Variants in HS2ST1 observed in about 807,000 individuals in gnomAD.
The protein encoded by HS2ST1 is 2-O-sulfotransferase.
HS2ST1 carries 18 observed loss-of-function variants against 42.9 expected under a neutral mutation model. That is an observed-to-expected ratio of 0.42 (90% confidence interval 0.29 to 0.62). The LOEUF is 0.62. HS2ST1 is among the 20% of genes least tolerant of loss of function. HS2ST1 has a pLI of 0.21. For missense variants in HS2ST1, 334 were observed against 433.8 expected (o/e 0.77, Z 2.04); for synonymous variants, 146 against 152.9 (o/e 0.95, Z 0.33).
At chr1:86,970,891 G>T (rs758768516) in intron 1 of HS2ST1, among the ~76,000 whole-genome samples, 26 of 152,076 alleles carry the variant, frequency 1.7e-4, no homozygotes, top group Middle Eastern at 3.4e-3. Context: ...TAATTTACAG[G>T]TCAAATATTT....
At chr1:86,978,954 A>T (rs7514045) in intron 1 of HS2ST1, among the ~76,000 whole-genome samples, 113,232 of 147,720 alleles carry the variant, frequency 0.77, 43,972 homozygotes, top group East Asian at 0.97. Context: ...AGCCTCTACC[A>T]GGACTCAAGC....
rs1382259970 is a variant in HS2ST1, at chr1:87,045,051, G to A, written c.125-27883G>A. On this transcript the variant is annotated intron_variant, in intron 1 of 6. Coordinates refer to ENST00000370550, the MANE Select transcript of HS2ST1 (RefSeq NM_012262.4). ...GCTTCTCTCTTCTTCACTGACGTCA[G>A]CATTCTTTGAAGAATCTTCTTCATC... is the stretch of plus-strand genomic sequence containing the variant. 4.2e-6 allele frequency: 5 copies of A among 1,197,106 alleles called. No homozygotes were observed. The Admixed American group carries it at 6.8e-5, about 16-fold the overall frequency. 74.2% of individuals were successfully genotyped at this position (1,197,106 alleles called of 1,614,324 possible).
At chr1:87,068,269 G>A (rs1007869286) in intron 1 of HS2ST1, among the ~76,000 whole-genome samples, 1 of 152,050 alleles carries the variant, frequency 6.6e-6, no homozygotes, top group Non-Finnish European at 1.5e-5. Context: ...TCTCCTTGAC[G>A]AGGTCCTTCA....
chr1:86,998,529 C>A (rs1276560620), intron 1 of HS2ST1, among the ~76,000 whole-genome samples: 1 of 152,134 alleles, frequency 6.6e-6, no homozygotes, highest in Admixed American at 6.6e-5. Context: ...AGTGGTTTTA[C>A]TACAGAAGCA....
At chr1:86,999,404 C>G (rs757018103) in intron 1 of HS2ST1, among the ~76,000 whole-genome samples, 1 of 152,126 alleles carries the variant, frequency 6.6e-6, no homozygotes, top group South Asian at 2.1e-4. Flanking sequence ...TCTCGAACTC[C>G]CGACTTCAGA....
At chr1:87,008,306 C>T (rs546331237) in intron 1 of HS2ST1, among the ~76,000 whole-genome samples, 5 of 152,196 alleles carry the variant, frequency 3.3e-5, no homozygotes, top group East Asian at 3.9e-4. Context: ...TTTCACAACT[C>T]GTTCTTAGGG....
chr1:87,012,314 C>T (rs1475831087), intron 1 of HS2ST1, among the ~76,000 whole-genome samples: 8 of 152,018 alleles, frequency 5.3e-5, no homozygotes, highest in Non-Finnish European at 1.2e-4. Flanking sequence ...CTGGGGAGGC[C>T]TGACAATTAT....
At chr1:87,056,189 C>A (rs535869459) in intron 1 of HS2ST1, among the ~76,000 whole-genome samples, 32 of 152,250 alleles carry the variant, frequency 2.1e-4, no homozygotes, top group Admixed American at 1.8e-3. Context: ...ACATTAGTTA[C>A]AATGAGATCA....
intron 1 of HS2ST1, among the ~76,000 whole-genome samples, chr1:87,023,199 A>T (rs533297458): frequency 2.0e-4 from 30 of 152,356 alleles, no homozygotes; most frequent in Admixed American, 4.6e-4. Context: ...AAAAATATAC[A>T]AAATTTTAAA....
At chr1:87,076,303 A>G (rs1361573356) in intron 2 of HS2ST1, among the ~76,000 whole-genome samples, 2 of 152,204 alleles carry the variant, frequency 1.3e-5, no homozygotes, top group African/African-American at 4.8e-5. Flanking sequence ...CTTTGTTCAT[A>G]GACATAGTAC....
chr1:87,087,919 G>C (rs921564280), intron 3 of HS2ST1, among the ~76,000 whole-genome samples: 3 of 152,014 alleles, frequency 2.0e-5, no homozygotes, highest in African/African-American at 7.2e-5. Flanking sequence ...CTCCTTGCTA[G>C]CTGTGTGATC....
chr1:86,943,842 A>G lies in HS2ST1; in HGVS notation c.124+28682A>G, dbSNP rs6576856. ...GGAGTTTGAGACCAGCCTGGCCAAC[A>G]TGGTGAAACCCCATCTCTACTAAAA... On this transcript the variant is annotated intron_variant, in intron 1 of 6. Coordinates refer to ENST00000370550, the MANE Select transcript of HS2ST1 (RefSeq NM_012262.4). 1.5e-3 allele frequency among the ~76,000 whole-genome samples: 222 copies of G among 152,252 alleles called. 1 individual carries two copies. Among genetic ancestry groups the G allele is most frequent in the African/African-American group, 5.1e-3 (211 of 41,546 alleles).
intron 1 of HS2ST1, among the ~76,000 whole-genome samples, chr1:86,989,633 C>T (rs974087793): frequency 1.3e-5 from 2 of 152,170 alleles, no homozygotes; most frequent in Non-Finnish European, 2.9e-5. Flanking sequence ...AGGTTCGTTA[C>T]ATAGGTATAC....
intron 1 of HS2ST1, among the ~76,000 whole-genome samples, chr1:87,027,933 G>C (rs894408294): frequency 6.6e-6 from 1 of 152,156 alleles, no homozygotes; most frequent in Non-Finnish European, 1.5e-5. Context: ...CAAGTGATCT[G>C]CCCGCCTCGG....
At chr1:86,955,445 C>T (rs2753273) in intron 1 of HS2ST1, among the ~76,000 whole-genome samples, 36,542 of 151,926 alleles carry the variant, frequency 0.24, 5,164 homozygotes, top group African/African-American at 0.38. Flanking sequence ...GTTTTTATCC[C>T]GAAACCATTC....
intron 1 of HS2ST1, among the ~76,000 whole-genome samples, chr1:86,930,820 G>C (rs1444278497): frequency 2.0e-5 from 3 of 151,940 alleles, no homozygotes; most frequent in Admixed American, 1.3e-4. Context: ...TGTTTTATGT[G>C]CTCTTCATCT....
At chr1:86,959,647 G>C (rs1196171126) in intron 1 of HS2ST1, among the ~76,000 whole-genome samples, 1 of 152,028 alleles carries the variant, frequency 6.6e-6, no homozygotes, top group Non-Finnish European at 1.5e-5. Context: ...GACAGAGCAA[G>C]ACTTTGTCTC....
chr1:86,950,226 A>G (rs1647466342), intron 1 of HS2ST1, among the ~76,000 whole-genome samples: 1 of 152,110 alleles, frequency 6.6e-6, no homozygotes, highest in Non-Finnish European at 1.5e-5. Context: ...ACTTAATGCC[A>G]TTTTTTTCTT....
At chr1:86,943,987 A>G (rs1647260225) in intron 1 of HS2ST1, among the ~76,000 whole-genome samples, 1 of 151,934 alleles carries the variant, frequency 6.6e-6, no homozygotes, top group African/African-American at 2.4e-5. Flanking sequence ...AGACTGCGCC[A>G]TTGCACTCTC....
Sources: allele counts gnomAD v4.1 joint callset (sites outside exome capture counted in the v4.1 genomes callset), GRCh38; gene constraint gnomAD v4.1.1; transcripts MANE v1.5; gene names NCBI Gene and HGNC (gene_info 2026-07-23, HGNC 2026-07-21).